The following STRN variants were observed in gnomAD, a reference collection of about 807,000 sequenced individuals.
STRN encodes protein phosphatase 2 regulatory subunit B'''alpha.
STRN carries 53 observed loss-of-function variants against 96.3 expected under a neutral mutation model. The ratio of observed to expected loss-of-function variants is 0.55; its 90% CI spans 0.44 to 0.69. The LOEUF (loss-of-function observed/expected upper bound fraction) is 0.69. STRN is among the 30% of genes least tolerant of loss of function. The pLI, the probability that STRN is intolerant of heterozygous loss-of-function variation, is 0.00. For missense variants in STRN, 987 were observed against 963.9 expected (o/e 1.02, Z -0.32); for synonymous variants, 428 against 355.9 (o/e 1.20, Z -2.28).
In STRN at chr2:36,941,553, CT is replaced by C. The variant is rs1048837614; in HGVS notation, c.235-16346del. Among the ~76,000 whole-genome samples the C allele has an allele frequency of 3.0e-3, 434 of 144,910 alleles. 2 individuals carry two copies. Among genetic ancestry groups the C allele is most frequent in the African/African-American group, 6.0e-3 (241 of 39,852 alleles). Reference sequence around the variant, plus strand: ...TTTATAACTTATTTTCTTATGTAAACTTTTTTTTTTTTTGAGATGGAGTCTA... The same window carrying C: ...TTTATAACTTATTTTCTTATGTAAACTTTTTTTTTTTTGAGATGGAGTCTA... On this transcript the variant is annotated intron_variant, in intron 1 of 17. Transcript: ENST00000263918.
intron 3 of STRN, among the ~76,000 whole-genome samples, chr2:36,910,518 G>A (rs991681497): frequency 7.2e-5 from 11 of 152,156 alleles, no homozygotes; most frequent in Non-Finnish European, 7.3e-5. Context: ...ATGAAGTGGT[G>A]TATTATCACT....
In STRN at chr2:36,966,489, G is replaced by A; in HGVS notation, c.-26C>T. The A allele has an allele frequency of 7.1e-7, 1 of 1,400,352 alleles. No individual in the cohort carries two copies. The highest frequency in any genetic ancestry group is 9.3e-7 in the Non-Finnish European group (1 of 1,081,078). 86.7% of individuals were successfully genotyped at this position (1,400,352 alleles called of 1,614,324 possible). On this transcript the variant is annotated 5_prime_UTR_variant, in exon 1 of 18. Transcript: ENST00000263918. ...GGCGGCCGCAGATACCCGGGGAGCT[G>A]CCCCGGCGCCCAGCAGCGGAGGCAA...
chr2:36,935,743 G>T (rs1670685394), intron 1 of STRN, among the ~76,000 whole-genome samples: 3 of 152,148 alleles, frequency 2.0e-5, no homozygotes, highest in Admixed American at 2.0e-4. Flanking sequence ...TTGCAATACT[G>T]CGGTTATTCA....
In STRN at chr2:36,858,037, T is replaced by C. The variant is rs139094525; in HGVS notation, c.1670-14A>G. 3.2e-6 allele frequency: 5 copies of C among 1,538,648 alleles called. No homozygotes were observed. Among genetic ancestry groups the C allele is most frequent in the Non-Finnish European group, 2.6e-6 (3 of 1,137,810 alleles). On this transcript the variant is annotated splice_polypyrimidine_tract_variant and intron_variant, in intron 13 of 17. Coordinates refer to ENST00000263918, the MANE Select transcript of STRN (RefSeq NM_003162.4). ...AAACAGAAGGATCTATACAAAACAG[T>C]AAAAATGCAAAATCAGGAGAAAAAC...
Position 36,869,574 on chromosome 2 carries a change from C to A in STRN, c.1479G>T (p.Gln493His), listed in dbSNP as rs1668712506. ...CTCACTTTTTGGCTGGGGCTGTTTT[C>A]TGTAAATTCCACATTTTTAATGTGT... ...EDHTLKMWNLQKTAPAKKSTS... is the reference protein window; with the variant it reads ...EDHTLKMWNLHKTAPAKKSTS... Residue 493 changes from glutamine (Q) to histidine (H), a missense_variant, in exon 11 of 18, where the codon CAG (glutamine) becomes CAT (histidine). Transcript: ENST00000263918. 2 of 1,574,960 alleles carry A rather than the reference C, an allele frequency of 1.3e-6. No individual in the cohort carries two copies. The highest frequency in any genetic ancestry group is 1.7e-6 in the Non-Finnish European group (2 of 1,160,410).
rs1409454813 is a variant in STRN, at chr2:36,966,388, G to A, written c.76C>T (p.Pro26Ser). 2.1e-6 allele frequency: 3 copies of A among 1,462,188 alleles called. No individual in the cohort carries two copies. Among genetic ancestry groups the A allele is most frequent in the Non-Finnish European group, 2.7e-6 (3 of 1,109,356 alleles). 90.6% of individuals were successfully genotyped at this position (1,462,188 alleles called of 1,614,324 possible). A position where few individuals can be genotyped will look rare whatever the true frequency, so the allele number is the denominator to read the frequency against. Residue 26 changes from proline (P) to serine (S), a missense_variant, in exon 1 of 18, where the codon CCT becomes TCT. Transcript: ENST00000263918. ...CCGGCCGCGGCAGCCTCCGCCAGAGGCCCGAGCCCCTTGGCACCGCCGGCG... is the reference window on the plus strand; with the variant it reads ...CCGGCCGCGGCAGCCTCCGCCAGAGACCCGAGCCCCTTGGCACCGCCGGCG... The part of the protein sequence containing the change: ...PGAGGAKGLG[P>S]LAEAAAAGDG...
At chr2:36,943,802 TC>T (rs1247006418) in intron 1 of STRN, among the ~76,000 whole-genome samples, 1 of 149,020 alleles carries the variant, frequency 6.7e-6, no homozygotes, top group Non-Finnish European at 1.5e-5. Flanking sequence ...AGACTCTGTC[TC>T]AAAAAAAACC....
At chr2:36,862,766 GC>G (rs1278923246) in intron 12 of STRN, among the ~76,000 whole-genome samples, 2 of 149,906 alleles carry the variant, frequency 1.3e-5, no homozygotes, top group African/African-American at 4.9e-5. Context: ...ATGGAGTCTC[GC>G]TCTGTCACCC....
At chr2:36,906,853 G>A (rs1205580885) in intron 3 of STRN, among the ~76,000 whole-genome samples, 7 of 151,982 alleles carry the variant, frequency 4.6e-5, no homozygotes, top group African/African-American at 1.2e-4. Flanking sequence ...CCCAAGAAGC[G>A]GAGGTTGCAG....
intron 1 of STRN, among the ~76,000 whole-genome samples, chr2:36,926,007 C>G (rs1275044364): frequency 1.3e-5 from 2 of 152,092 alleles, no homozygotes; most frequent in African/African-American, 4.8e-5. Flanking sequence ...TAAATTGCTC[C>G]CTTTTCTCAA....
rs2148119541 is a variant in STRN, at chr2:36,847,567, A to G, written c.*1889T>C. 1 of 152,312 alleles carries G rather than the reference A, an allele frequency of 6.6e-6. No individual in the cohort carries two copies. Among genetic ancestry groups the G allele is most frequent in the African/African-American group, 2.4e-5 (1 of 41,568 alleles). The allele number at this position is 152,312 out of a possible 1,614,324, so 9.4% of individuals were successfully genotyped here. A position where few individuals can be genotyped will look rare whatever the true frequency, so the allele number is the denominator to read the frequency against. ...TGTTTAGGTCAATTCATTTAATTAC[A>G]CAAAGCAGTCTCTTGAGCCTGCTTG... On this transcript the variant is annotated 3_prime_UTR_variant, in exon 18 of 18. Transcript: ENST00000263918.
chr2:36,853,757 A>G (rs764400658), intron 15 of STRN, among the ~76,000 whole-genome samples: 8 of 152,222 alleles, frequency 5.3e-5, no homozygotes, highest in Non-Finnish European at 1.0e-4. Context: ...AAAATATGCT[A>G]AATTCCAAAA....
intron 1 of STRN, among the ~76,000 whole-genome samples, chr2:36,927,531 G>GT (rs909508567): frequency 2.1e-5 from 3 of 145,466 alleles, no homozygotes; most frequent in Non-Finnish European, 3.0e-5. Flanking sequence ...AAAAGGGGGG[G>GT]GGGGGTGGTA....
In STRN at chr2:36,838,567, A is replaced by C. The variant is rs1338061907; in HGVS notation, c.*10889T>G. On this transcript the variant is annotated 3_prime_UTR_variant, in exon 18 of 18. Transcript: ENST00000263918. ...TTTTCTACGTATTTTTTAATGTTAC[A>C]ATAGTTATTGCCATGAGTATTAAGG... is the stretch of plus-strand genomic sequence containing the variant. Among the ~76,000 whole-genome samples the C allele has an allele frequency of 6.6e-6, 1 of 152,232 alleles. No homozygotes were observed. The highest frequency in any genetic ancestry group is 2.4e-5 in the African/African-American group (1 of 41,462).
chr2:36,895,282 G>A (rs1463669857), intron 6 of STRN, among the ~76,000 whole-genome samples: 7 of 150,888 alleles, frequency 4.6e-5, no homozygotes, highest in African/African-American at 1.2e-4. Flanking sequence ...AGCCAAGATC[G>A]CGCCACTGCA....
intron 3 of STRN, 139 bp from the exon 4 acceptor site, chr2:36,905,757 G>A (rs886462058): frequency 1.2e-5 from 8 of 651,718 alleles, no homozygotes; most frequent in Admixed American, 6.2e-5. Context: ...TTAGGATAAT[G>A]TAAGTTCTGT....
At chr2:36,934,650 T>A (rs1355168025) in intron 1 of STRN, among the ~76,000 whole-genome samples, 1 of 152,208 alleles carries the variant, frequency 6.6e-6, no homozygotes, top group Non-Finnish European at 1.5e-5. Context: ...AAATTATGAA[T>A]CCATAAATCT....
rs549658764 is a variant in STRN, at chr2:36,837,775, A to C, written c.*11681T>G. 6.6e-6 allele frequency among the ~76,000 whole-genome samples: 1 copy of C among 152,364 alleles called. No homozygotes were observed. The highest frequency in any genetic ancestry group is 1.9e-4 in the East Asian group (1 of 5,196). ...AACAGACAACTTACAAGAGTTGGAA[A>C]AAAATGTTTGCATCCAAGATAAGAA... On this transcript the variant is annotated 3_prime_UTR_variant, in exon 18 of 18. Coordinates refer to ENST00000263918, the MANE Select transcript of STRN (RefSeq NM_003162.4).
chr2:36,853,838 GT>G (rs1208745491), intron 15 of STRN, among the ~76,000 whole-genome samples: 1 of 152,012 alleles, frequency 6.6e-6, no homozygotes, highest in Non-Finnish European at 1.5e-5. Context: ...ACTAATTTAA[GT>G]TTTCTTTATA....
Sources: allele counts gnomAD v4.1 joint callset (sites outside exome capture counted in the v4.1 genomes callset), GRCh38; gene constraint gnomAD v4.1.1; transcripts MANE v1.5; gene names NCBI Gene and HGNC (gene_info 2026-07-23, HGNC 2026-07-21).